Variants in ACMSD observed in about 807,000 individuals in gnomAD.
ACMSD encodes the protein 2-amino-3-carboxymuconate-6-semialdehyde decarboxylase.
In ACMSD, 37 loss-of-function variants were observed where a neutral mutation model predicts 45.9. The ratio of observed to expected loss-of-function variants is 0.81; its 90% CI spans 0.62 to 1.06. The LOEUF (loss-of-function observed/expected upper bound fraction) is 1.06. ACMSD is among the 50% of genes least tolerant of loss of function. The pLI is 0.00. For missense variants in ACMSD, 434 were observed against 420.9 expected, an observed-to-expected ratio of 1.03 and a Z score of -0.27; for synonymous variants, 138 against 148.8, an observed-to-expected ratio of 0.93 and a Z score of 0.53.
intron 8 of ACMSD, among the ~76,000 whole-genome samples, chr2:134,873,917 A>G (rs1171339030): frequency 6.6e-6 from 1 of 152,222 alleles, no homozygotes; most frequent in Non-Finnish European, 1.5e-5. Flanking sequence ...GAAGAGGGAA[A>G]ATCATGTGGA....
chr2:134,901,514 C>A (rs1283752075), intron 9 of ACMSD, among the ~76,000 whole-genome samples: 4 of 152,164 alleles, frequency 2.6e-5, no homozygotes, highest in Non-Finnish European at 4.4e-5. Flanking sequence ...TCCTTAAGAT[C>A]CAAGCTGTTA....
Position 134,840,559 on chromosome 2 carries a change from G to A in ACMSD, c.57+1820G>A, listed in dbSNP as rs527677137. ...TGAGATTAGTGCCCTTATAAAGTAA[G>A]CCCAAGGAAGCTTGTTCGCCCCTTC... is the stretch of plus-strand genomic sequence containing the variant. On this transcript the variant is annotated intron_variant, in intron 1 of 9. Coordinates refer to ENST00000356140, the MANE Select transcript of ACMSD (RefSeq NM_138326.3). 2.6e-5 allele frequency among the ~76,000 whole-genome samples: 4 copies of A among 152,232 alleles called. No homozygotes were observed. The East Asian group carries it at 7.7e-4, about 29-fold the overall frequency.
At chr2:134,890,441 C>T (rs899429494) in intron 8 of ACMSD, among the ~76,000 whole-genome samples, 1 of 151,936 alleles carries the variant, frequency 6.6e-6, no homozygotes, top group African/African-American at 2.4e-5. Flanking sequence ...ACTTCAGAGA[C>T]ATAACAACTA....
chr2:134,838,638 G>T lies in ACMSD; in HGVS notation c.-45G>T. On this transcript the variant is annotated 5_prime_UTR_variant, in exon 1 of 10. Transcript: ENST00000356140. ...TCCACAGTTTTCACAAAGGTCTCTT[G>T]ATATCAAAACTTCTTTCCTTGCATG... The T allele has an allele frequency of 6.5e-7, 1 of 1,534,830 alleles. No homozygotes were observed. Among genetic ancestry groups the T allele is most frequent in the Non-Finnish European group, 9.0e-7 (1 of 1,114,146 alleles).
intron 8 of ACMSD, among the ~76,000 whole-genome samples, chr2:134,876,684 C>A (rs577922986): frequency 9.9e-5 from 15 of 152,174 alleles, no homozygotes; most frequent in African/African-American, 3.4e-4. Flanking sequence ...GAACACACTC[C>A]AAAATAATGA....
At chr2:134,882,302 G>C (rs1441295119) in intron 8 of ACMSD, among the ~76,000 whole-genome samples, 3 of 152,154 alleles carry the variant, frequency 2.0e-5, no homozygotes, top group African/African-American at 2.4e-5. Context: ...GTCTTCTCAA[G>C]AAGTTGTGGT....
chr2:134,863,524 A>G lies in ACMSD; in HGVS notation c.379A>G (p.Lys127Glu). ...LPMQAPELAV[K>E]EMERCVKELG... ...CATGCAGGCCCCTGAGCTGGCGGTC[A>G]AGGAGATGGAGCGCTGTGTGAAAGA... The change falls in exon 5 of 10, where the codon AAG (lysine) becomes GAG (glutamate). Residue 127 changes from lysine (K) to glutamate (E), a missense_variant. Coordinates refer to ENST00000356140, the MANE Select transcript of ACMSD (RefSeq NM_138326.3). 6.2e-7 allele frequency: 1 copy of G among 1,614,190 alleles called. No homozygotes were observed. Among genetic ancestry groups the G allele is most frequent in the Non-Finnish European group, 8.5e-7 (1 of 1,180,022 alleles).
At chr2:134,842,250 G>A (rs149540868) in intron 1 of ACMSD, among the ~76,000 whole-genome samples, 2 of 152,144 alleles carry the variant, frequency 1.3e-5, no homozygotes, top group East Asian at 1.9e-4. Context: ...TGAGAACTGC[G>A]GGGCTACATC....
At chr2:134,881,954 C>G (rs1439189398) in intron 8 of ACMSD, among the ~76,000 whole-genome samples, 1 of 152,136 alleles carries the variant, frequency 6.6e-6, no homozygotes. Flanking sequence ...CCCATCTCTA[C>G]TAAAAATACA....
chr2:134,872,542 C>T lies in ACMSD; in HGVS notation c.750C>T (p.Asp250=). ...FSMRPDLCAQ[D]NPMNPKKYLG... ...TGCGCCCAGATCTGTGTGCCCAGGA[C>T]AACCCCATGAACCCGAAGAAATACC... The change falls in exon 8 of 10, where the codon GAC becomes GAT. Residue 250 remains aspartate, a synonymous_variant. Coordinates refer to ENST00000356140, the MANE Select transcript of ACMSD (RefSeq NM_138326.3). The T allele has an allele frequency of 6.2e-7, 1 of 1,614,160 alleles. No homozygotes were observed. The highest frequency in any genetic ancestry group is 8.5e-7 in the Non-Finnish European group (1 of 1,180,036).
chr2:134,883,188 T>C (rs966626830), intron 8 of ACMSD, among the ~76,000 whole-genome samples: 4 of 152,088 alleles, frequency 2.6e-5, no homozygotes. Flanking sequence ...TGTCAAATGC[T>C]ACATTAGCAC....
rs1298919031 is a variant in ACMSD at position 134,863,551 on chromosome 2, C to G, written c.406C>G (p.Leu136Val). Residue 136 changes from leucine to valine, a missense_variant, in exon 5 of 10, where the codon CTG becomes GTG. Transcript: ENST00000356140. ...GGAGATGGAGCGCTGTGTGAAAGAG[C>G]TGGGCTTTCCCGGGGTCCAAATTGG... The part of the protein sequence containing the change: ...VKEMERCVKE[L>V]GFPGVQIGTH... The G allele has an allele frequency of 6.2e-7, 1 of 1,614,100 alleles. No homozygotes were observed. Among genetic ancestry groups the G allele is most frequent in the African/African-American group, 1.3e-5 (1 of 74,936 alleles).
At chr2:134,893,935 C>CACA (rs879719039) in intron 8 of ACMSD, among the ~76,000 whole-genome samples, 22 of 152,162 alleles carry the variant, frequency 1.4e-4, no homozygotes, top group Admixed American at 1.4e-3. Context: ...AATACAAAAA[C>CACA]ACAACATTCT....
chr2:134,875,017 G>A (rs900716645), intron 8 of ACMSD, among the ~76,000 whole-genome samples: 2 of 152,114 alleles, frequency 1.3e-5, no homozygotes, highest in African/African-American at 4.8e-5. Context: ...AGTTGGGAAA[G>A]TGAGTCAGGG....
Position 134,901,490 on chromosome 2 carries a change from T to C in ACMSD, c.949-308T>C, listed in dbSNP as rs150545530. Among the ~76,000 whole-genome samples, 347 of 152,324 alleles carry C rather than the reference T, an allele frequency of 2.3e-3. 1 individual carries two copies. The highest frequency in any genetic ancestry group is 3.4e-3 in the Non-Finnish European group (233 of 68,026). On this transcript the variant is annotated intron_variant, in intron 9 of 9. Transcript: ENST00000356140. The stretch of plus-strand genomic sequence containing the variant: ...ACCTAACTGTACCTTTTCTCTGTAT[T>C]TGCCCCCAAATGGTCCTTAAGATCC...
chr2:134,881,926 T>TGGTG (rs1689061536), intron 8 of ACMSD, among the ~76,000 whole-genome samples: 1 of 152,160 alleles, frequency 6.6e-6, no homozygotes. Flanking sequence ...GAGACCAACC[T>TGGTG]AGCCAACATG....
intron 8 of ACMSD, among the ~76,000 whole-genome samples, chr2:134,879,409 A>C (rs1012998857): frequency 6.6e-6 from 1 of 152,122 alleles, no homozygotes. Context: ...TCCTCCTACT[A>C]ATCAGTTCCA....
intron 2 of ACMSD, among the ~76,000 whole-genome samples, chr2:134,853,890 C>CCAG (rs1185795392): frequency 6.6e-6 from 1 of 151,796 alleles, no homozygotes; most frequent in Admixed American, 6.6e-5. Flanking sequence ...AGAGGCACTC[C>CCAG]CAGCCCCTAA....
At chr2:134,859,118 T>C (rs2104847181) in intron 2 of ACMSD, 143 bp from the exon 3 acceptor site, 1 of 716,550 alleles carries the variant, frequency 1.4e-6, no homozygotes, top group Non-Finnish European at 2.3e-6. Flanking sequence ...TGATTTTTGT[T>C]AAATTACTGA....
Sources: allele counts gnomAD v4.1 joint callset (sites outside exome capture counted in the v4.1 genomes callset), GRCh38; gene constraint gnomAD v4.1.1; transcripts MANE v1.5; gene names NCBI Gene and HGNC (gene_info 2026-07-23, HGNC 2026-07-21).